BLTP3B: variants seen among roughly 807,000 people sequenced by gnomAD.
BLTP3B encodes UHRF1 (ICBP90) binding protein 1-like.
At chr12:100,131,361 AATTT>A in the BLTP3B span, among the ~76,000 whole-genome samples, 75 of 151,442 alleles carry the variant, frequency 5.0e-4, no homozygotes, top group African/African-American at 1.8e-3. Flanking sequence ...ATATATTTTT[AATTT>A]ATTTAAAAAA....
chr12:100,073,251 C>G, the BLTP3B span, among the ~76,000 whole-genome samples: 1 of 151,938 alleles, frequency 6.6e-6, no homozygotes, highest in Admixed American at 6.6e-5. Flanking sequence ...GAGCTATATA[C>G]AGTTTCTGCT....
At chr12:100,055,991 T>C in the BLTP3B span, among the ~76,000 whole-genome samples, 5 of 152,166 alleles carry the variant, frequency 3.3e-5, no homozygotes, top group Admixed American at 2.6e-4. Context: ...ACAAAGCATA[T>C]AGAATGGTAC....
the BLTP3B span, among the ~76,000 whole-genome samples, chr12:100,100,801 G>A: frequency 6.6e-6 from 1 of 150,828 alleles, no homozygotes; most frequent in Non-Finnish European, 1.5e-5. Context: ...CAGACCTACT[G>A]AATCAGAAAT....
the BLTP3B span, among the ~76,000 whole-genome samples, chr12:100,130,815 T>C: frequency 2.0e-5 from 3 of 152,052 alleles, no homozygotes; most frequent in Non-Finnish European, 4.4e-5. Context: ...TCCCAGCTAC[T>C]TGAGAGGCTG....
chr12:100,104,204 C>CTTTTTTTTT, the BLTP3B span, among the ~76,000 whole-genome samples: 3 of 131,648 alleles, frequency 2.3e-5, no homozygotes, highest in Admixed American at 7.7e-5. Flanking sequence ...TTCTTTTTTT[C>CTTTTTTTTT]TTTTTTTTTT....
At chr12:100,068,388 A>C in the BLTP3B span, among the ~76,000 whole-genome samples, 1 of 152,258 alleles carries the variant, frequency 6.6e-6, no homozygotes, top group Non-Finnish European at 1.5e-5. Flanking sequence ...CTGAAACTAT[A>C]AAAATTCTAG....
chr12:100,058,152 G>T, the BLTP3B span: 1 of 1,613,400 alleles, frequency 6.2e-7, no homozygotes, highest in Non-Finnish European at 8.5e-7. Flanking sequence ...GGACTCTATG[G>T]TTTCATTTCC....
the BLTP3B span, among the ~76,000 whole-genome samples, chr12:100,137,296 G>A: frequency 6.6e-6 from 1 of 151,416 alleles, no homozygotes; most frequent in Admixed American, 6.6e-5. Flanking sequence ...ATCAGCTACC[G>A]CCCTCTCCTC....
chr12:100,040,618 G>A, the BLTP3B span, among the ~76,000 whole-genome samples: 13 of 152,120 alleles, frequency 8.5e-5, no homozygotes, highest in African/African-American at 2.7e-4. Flanking sequence ...CCCAGGAGGC[G>A]GAGGTTGCAG....
the BLTP3B span, among the ~76,000 whole-genome samples, chr12:100,110,586 T>G: frequency 6.6e-6 from 1 of 152,100 alleles, no homozygotes. Flanking sequence ...AGTTTTCAGT[T>G]TAGTTGGTGA....
chr12:100,050,423 C>G, the BLTP3B span: 1 of 1,020,394 alleles, frequency 9.8e-7, no homozygotes, highest in South Asian at 2.5e-5. Context: ...ACAATTGTGA[C>G]CTACCAGACC....
At chr12:100,087,030 G>A in the BLTP3B span, among the ~76,000 whole-genome samples, 344 of 151,938 alleles carry the variant, frequency 2.3e-3, 3 homozygotes, top group African/African-American at 7.7e-3. Context: ...ATGGTGGCAC[G>A]CCCCTGTAGT....
At chr12:100,091,884 C>G in the BLTP3B span, among the ~76,000 whole-genome samples, 1 of 151,370 alleles carries the variant, frequency 6.6e-6, no homozygotes, top group Non-Finnish European at 1.5e-5. Context: ...CAGCTCACTG[C>G]AACAACCTCC....
At chr12:100,114,605 T>C in the BLTP3B span, among the ~76,000 whole-genome samples, 1 of 152,214 alleles carries the variant, frequency 6.6e-6, no homozygotes, top group Non-Finnish European at 1.5e-5. Context: ...TCTGTTTGAT[T>C]TTATTCAAAA....
the BLTP3B span, among the ~76,000 whole-genome samples, chr12:100,111,844 T>C: frequency 6.6e-6 from 1 of 152,062 alleles, no homozygotes; most frequent in Non-Finnish European, 1.5e-5. Context: ...GACCTTGTGA[T>C]CCATCCACCT....
chr12:100,047,525 T>C, the BLTP3B span: 4 of 1,589,952 alleles, frequency 2.5e-6, no homozygotes, highest in African/African-American at 4.0e-5. Flanking sequence ...GTTTTTCATA[T>C]ATACCTCTGA....
chr12:100,053,791 C>G, the BLTP3B span, among the ~76,000 whole-genome samples: 1 of 152,048 alleles, frequency 6.6e-6, no homozygotes, highest in Non-Finnish European at 1.5e-5. Context: ...TCCATATTAT[C>G]TGGTTTATGG....
chr12:100,062,517 A>C, the BLTP3B span, among the ~76,000 whole-genome samples: 7 of 152,236 alleles, frequency 4.6e-5, no homozygotes, highest in Admixed American at 6.5e-5. Context: ...AAAAACAGTT[A>C]AACTTAATCT....
the BLTP3B span, among the ~76,000 whole-genome samples, chr12:100,129,442 C>T: frequency 4.6e-5 from 7 of 152,132 alleles, no homozygotes; most frequent in Non-Finnish European, 8.8e-5. Flanking sequence ...TGTTTTTGAA[C>T]AACTACTATG....
Sources: allele counts gnomAD v4.1 joint callset (sites outside exome capture counted in the v4.1 genomes callset), GRCh38; gene constraint gnomAD v4.1.1; transcripts MANE v1.5; gene names NCBI Gene and HGNC (gene_info 2026-07-23, HGNC 2026-07-21).